The following CHN2 variants were observed in gnomAD, a reference collection of about 807,000 sequenced individuals.
The protein encoded by CHN2 is beta-chimaerin.
CHN2 carries 35 observed loss-of-function variants against 56.3 expected under a neutral mutation model. That is an observed-to-expected ratio of 0.62 (90% confidence interval 0.47 to 0.82). CHN2 has a LOEUF of 0.82. Ranked by LOEUF, CHN2 falls within the 40% of genes least tolerant of loss-of-function variation. The pLI, the probability that CHN2 is intolerant of heterozygous loss-of-function variation, is 0.00. For synonymous variants in CHN2, 210 were observed against 212.8 expected, an observed-to-expected ratio of 0.99 and a Z score of 0.12; for missense variants, 491 against 580.5, an observed-to-expected ratio of 0.85 and a Z score of 1.58.
upstream of CHN2, among the ~76,000 whole-genome samples, chr7:29,190,753 C>A (rs1782784464): frequency 6.6e-6 from 1 of 152,162 alleles, no homozygotes; most frequent in Non-Finnish European, 1.5e-5. Flanking sequence ...TCTTGTAGCT[C>A]AGTGGTCACA....
intron 1 of CHN2, among the ~76,000 whole-genome samples, chr7:29,232,643 C>T (rs1051875068): frequency 3.3e-5 from 5 of 149,490 alleles, no homozygotes; most frequent in African/African-American, 4.9e-5. Flanking sequence ...CCAAGAATAG[C>T]GGTGCGTCTT....
chr7:29,443,797 G>C (rs1407840016), intron 6 of CHN2, among the ~76,000 whole-genome samples: 6 of 152,088 alleles, frequency 3.9e-5, no homozygotes, highest in African/African-American at 1.4e-4. Context: ...TGAGACAAAG[G>C]CTCTCCCTGC....
At chr7:29,510,741 C>CTGTT (rs1791218030) in intron 12 of CHN2, among the ~76,000 whole-genome samples, 1 of 152,192 alleles carries the variant, frequency 6.6e-6, no homozygotes, top group Non-Finnish European at 1.5e-5. Context: ...CGTGTTTTAT[C>CTGTT]TGTTAGAAGC....
chr7:29,384,079 A>G (rs1800737592), intron 3 of CHN2, among the ~76,000 whole-genome samples: 1 of 152,160 alleles, frequency 6.6e-6, no homozygotes, highest in Non-Finnish European at 1.5e-5. Flanking sequence ...TGAGTGGGTG[A>G]TACGCTGGAT....
At chr7:29,270,126 C>T (rs1276232288) in intron 1 of CHN2, among the ~76,000 whole-genome samples, 2 of 152,128 alleles carry the variant, frequency 1.3e-5, no homozygotes, top group African/African-American at 4.8e-5. Flanking sequence ...ATAATAATAG[C>T]TGTCAATTGT....
At chr7:29,162,096 A>C (rs1203043630) in intron 2 of CHN2, among the ~76,000 whole-genome samples, 1 of 152,200 alleles carries the variant, frequency 6.6e-6, no homozygotes. Flanking sequence ...CAGTACAGCC[A>C]CTCTGGGCAT....
At chr7:29,402,737 G>A (rs1209994970) in intron 6 of CHN2, among the ~76,000 whole-genome samples, 1 of 152,134 alleles carries the variant, frequency 6.6e-6, no homozygotes, top group African/African-American at 2.4e-5. Context: ...TTGAGATCCT[G>A]GGTATTGAAA....
At chr7:29,454,493 G>A (rs1361411833) in intron 6 of CHN2, among the ~76,000 whole-genome samples, 1 of 152,154 alleles carries the variant, frequency 6.6e-6, no homozygotes, top group East Asian at 1.9e-4. Context: ...TCTCATTTTA[G>A]CCAACTAATC....
chr7:29,392,036 C>T (rs1431285632), intron 3 of CHN2, among the ~76,000 whole-genome samples: 3 of 152,174 alleles, frequency 2.0e-5, no homozygotes, highest in African/African-American at 7.2e-5. Context: ...GAGCTACACC[C>T]AGATTTTGCA....
chr7:29,327,014 T>C (rs1795854718), intron 1 of CHN2, among the ~76,000 whole-genome samples: 1 of 152,164 alleles, frequency 6.6e-6, no homozygotes, highest in South Asian at 2.1e-4. Flanking sequence ...GGCAACCTGA[T>C]ATATCTGAGA....
At chr7:29,202,536 A>T (rs1784238289) in intron 1 of CHN2, among the ~76,000 whole-genome samples, 1 of 152,212 alleles carries the variant, frequency 6.6e-6, no homozygotes, top group Non-Finnish European at 1.5e-5. Context: ...GTGAATGTTG[A>T]GGCCATTGGA....
At chr7:29,220,533 A>G (rs529939400) in intron 1 of CHN2, among the ~76,000 whole-genome samples, 21 of 152,266 alleles carry the variant, frequency 1.4e-4, no homozygotes, top group African/African-American at 5.1e-4. Flanking sequence ...TTTTATGTCA[A>G]TAAATTTGAC....
intron 1 of CHN2, among the ~76,000 whole-genome samples, chr7:29,354,413 G>C (rs1798127402): frequency 6.6e-6 from 1 of 152,098 alleles, no homozygotes. Flanking sequence ...ATCTGCCATA[G>C]TACATGAGCT....
intron 1 of CHN2, among the ~76,000 whole-genome samples, chr7:29,352,055 G>A (rs1217444263): frequency 1.3e-5 from 2 of 152,150 alleles, no homozygotes; most frequent in African/African-American, 4.8e-5. Context: ...CAACAAGACT[G>A]AAATGGACAG....
At chr7:29,367,730 G>T (rs1341179595) in intron 2 of CHN2, among the ~76,000 whole-genome samples, 1 of 152,084 alleles carries the variant, frequency 6.6e-6, no homozygotes, top group African/African-American at 2.4e-5. Flanking sequence ...AATCAATTTT[G>T]CAAGTTTATA....
intron 1 of CHN2, among the ~76,000 whole-genome samples, chr7:29,310,893 G>A (rs1794550113): frequency 6.6e-6 from 1 of 152,124 alleles, no homozygotes; most frequent in African/African-American, 2.4e-5. Flanking sequence ...TTCAACATAA[G>A]AATTTTAGGG....
At chr7:29,511,907 C>T (rs781655813) in intron 12 of CHN2, among the ~76,000 whole-genome samples, 1 of 152,144 alleles carries the variant, frequency 6.6e-6, no homozygotes, top group Non-Finnish European at 1.5e-5. Flanking sequence ...CTTAAAGGCT[C>T]TGCAGTTCTT....
chr7:29,471,186 A>G (rs543525117), intron 6 of CHN2, among the ~76,000 whole-genome samples: 1 of 152,362 alleles, frequency 6.6e-6, no homozygotes, highest in Admixed American at 6.5e-5. Flanking sequence ...AAGGAAATGG[A>G]TTACTCTGAT....
At chr7:29,219,381 T>G (rs1260341135) in intron 1 of CHN2, among the ~76,000 whole-genome samples, 1 of 152,126 alleles carries the variant, frequency 6.6e-6, no homozygotes, top group Non-Finnish European at 1.5e-5. Context: ...AGAAAAAATA[T>G]TTTTAAAAAC....
Sources: gnomAD v4.1 joint callset for allele counts (sites outside exome capture counted in the v4.1 genomes callset) on GRCh38, gnomAD v4.1.1 for gene constraint, MANE v1.5 for transcripts, NCBI Gene and HGNC (gene_info 2026-07-23, HGNC 2026-07-21) for gene names.